The following UHRF1 variants were observed in gnomAD, a reference collection of about 807,000 sequenced individuals.
UHRF1 encodes E3 ubiquitin-protein ligase UHRF1.
A neutral mutation model predicts 96.5 loss-of-function variants in UHRF1; 9 were observed. That is an observed-to-expected ratio of 0.09 (90% CI 0.06 to 0.16). UHRF1 has a LOEUF of 0.16. Among genes scored for constraint, UHRF1 ranks in the 10% least tolerant of loss-of-function variants. UHRF1 has a pLI of 1.00. For synonymous variants in UHRF1, 455 were observed against 469.9 expected, an observed-to-expected ratio of 0.97 and a Z score of 0.41; for missense variants, 626 against 1,131.1, an observed-to-expected ratio of 0.55 and a Z score of 6.40.
chr19:4,924,826 GTT>G (rs35008694), intron 2 of UHRF1, among the ~76,000 whole-genome samples: 22 of 127,280 alleles, frequency 1.7e-4, no homozygotes, highest in Admixed American at 3.9e-4. Flanking sequence ...TTGGTGTTAA[GTT>G]TTTTTTTTTT....
intron 5 of UHRF1, 25 bp downstream of exon 5, chr19:4,932,981 C>T (rs963277): frequency 0.18 from 276,271 of 1,570,532 alleles, 26,468 homozygotes; most frequent in South Asian, 0.31. Flanking sequence ...CTGGGGCGAG[C>T]CCTTCCTCTC....
intron 5 of UHRF1, among the ~76,000 whole-genome samples, chr19:4,939,017 G>A (rs374599104): frequency 1.8e-3 from 269 of 151,668 alleles, no homozygotes; most frequent in African/African-American, 6.1e-3. Flanking sequence ...GGGTTCAAGC[G>A]ATTCTCCTGC....
intron 7 of UHRF1, among the ~76,000 whole-genome samples, chr19:4,942,534 T>C (rs1373761266): frequency 6.7e-6 from 1 of 150,102 alleles, no homozygotes; most frequent in Admixed American, 6.6e-5. Flanking sequence ...CTGCAACCTC[T>C]GCCTCCCGGG....
chr19:4,940,680 A>AT (rs2033366065), intron 5 of UHRF1, among the ~76,000 whole-genome samples: 2 of 137,122 alleles, frequency 1.5e-5, no homozygotes, highest in East Asian at 2.2e-4. Context: ...TTATTTATAT[A>AT]TTTTTTTGAT....
At chr19:4,940,500 G>A (rs948263046) in intron 5 of UHRF1, among the ~76,000 whole-genome samples, 2 of 150,380 alleles carry the variant, frequency 1.3e-5, no homozygotes, top group African/African-American at 4.9e-5. Context: ...CCGAGTAGCT[G>A]GGATTACAGG....
At chr19:4,948,101 C>CAAA (rs545933981) in intron 11 of UHRF1, among the ~76,000 whole-genome samples, 19,029 of 75,392 alleles carry the variant, frequency 0.25, 1,617 homozygotes, top group Non-Finnish European at 0.29. Context: ...GAGATCTTGT[C>CAAA]AAAAAAAAAA....
At chr19:4,908,939 C>T (rs528919424), upstream of UHRF1, among the ~76,000 whole-genome samples, 1 of 151,988 alleles carries the variant, frequency 6.6e-6, no homozygotes, top group African/African-American at 2.4e-5. Context: ...CAGCCCTGCC[C>T]GCCTGGACAG....
chr19:4,947,351 CCTCT>C, intron 11 of UHRF1, 140 bp downstream of exon 11: 2 of 760,798 alleles, frequency 2.6e-6, no homozygotes, highest in Non-Finnish European at 4.4e-6. Flanking sequence ...TTGGTTCCTC[CCTCT>C]GTCTCCCAAA....
intron 11 of UHRF1, among the ~76,000 whole-genome samples, chr19:4,947,864 G>A (rs1181323422): frequency 1.3e-5 from 2 of 151,998 alleles, no homozygotes; most frequent in Non-Finnish European, 2.9e-5. Context: ...TCAGGAGGCC[G>A]AGGCTCGAGG....
At chr19:4,953,608 T>A (rs1340973907) in intron 13 of UHRF1, among the ~76,000 whole-genome samples, 2 of 152,070 alleles carry the variant, frequency 1.3e-5, no homozygotes, top group African/African-American at 4.8e-5. Flanking sequence ...GGACTACAGA[T>A]GCACACCACC....
At chr19:4,960,606 C>G in intron 16 of UHRF1, 51 bp from the exon 17 acceptor site, 2 of 1,595,826 alleles carry the variant, frequency 1.3e-6, no homozygotes, top group Non-Finnish European at 8.5e-7. Context: ...TGGCCAGGAG[C>G]AAACCTGATG....
intron 2 of UHRF1, 79 bp from the exon 3 acceptor site, chr19:4,929,143 T>G: frequency 5.9e-6 from 9 of 1,520,024 alleles, no homozygotes; most frequent in Non-Finnish European, 7.2e-6. Context: ...GGACACAGTG[T>G]TTGGTTCATC....
intron 5 of UHRF1, among the ~76,000 whole-genome samples, chr19:4,938,614 A>G (rs995843393): frequency 6.6e-6 from 1 of 150,966 alleles, no homozygotes; most frequent in African/African-American, 2.4e-5. Flanking sequence ...TGCAACCCCC[A>G]GATCCTGGCT....
At position 4,944,382 on chromosome 19, in the gene UHRF1, G is replaced by A. The variant is rs1474889122; in HGVS notation, c.1237G>A (p.Val413Ile). ...CVGRTKECTI[V>I]PSNHYGPIPG... ...GGGCCGCACCAAGGAATGTACCATC[G>A]TCCCGTCCAACCACTACGGACCCAT... is the stretch of plus-strand genomic sequence containing the variant. The change falls in exon 9 of 17, where the codon GTC (valine) becomes ATC (isoleucine). Residue 413 changes from valine (V) to isoleucine (I), a missense_variant. Val to Ile is a conservative substitution (Grantham distance 29). Around this residue, in one of 11 missense-constraint regions of UHRF1, gnomAD observed 69 missense variants for 159.8 expected, o/e 0.43. Coordinates refer to ENST00000650932, the MANE Select transcript of UHRF1 (RefSeq NM_001048201.3). The A allele has an allele frequency of 1.2e-6, 2 of 1,614,046 alleles. No homozygotes were observed. The highest frequency in any genetic ancestry group is 1.1e-5 in the South Asian group (1 of 91,092).
chr19:4,927,244 A>T (rs1397229869), intron 2 of UHRF1, among the ~76,000 whole-genome samples: 3 of 151,422 alleles, frequency 2.0e-5, no homozygotes, highest in Non-Finnish European at 1.5e-5. Flanking sequence ...GCTGGGTGTG[A>T]TGGCTCATGC....
chr19:4,922,336 G>A (rs1443844084), intron 2 of UHRF1, among the ~76,000 whole-genome samples: 1 of 152,084 alleles, frequency 6.6e-6, no homozygotes, highest in Non-Finnish European at 1.5e-5. Flanking sequence ...TGTGATCTCG[G>A]CTCACTGCAA....
At chr19:4,933,142 C>G (rs2033109822) in intron 5 of UHRF1, among the ~76,000 whole-genome samples, 186 bp downstream of exon 5, 1 of 152,220 alleles carries the variant, frequency 6.6e-6, no homozygotes, top group African/African-American at 2.4e-5. Context: ...TAAGACCGAC[C>G]ACCTTGTGCC....
At chr19:4,928,885 A>T (rs2032955559) in intron 2 of UHRF1, among the ~76,000 whole-genome samples, 1 of 152,230 alleles carries the variant, frequency 6.6e-6, no homozygotes, top group Non-Finnish European at 1.5e-5. Flanking sequence ...TCACTGTCAC[A>T]AAAGCTGCCG....
chr19:4,941,393 G>A, intron 5 of UHRF1, 135 bp from the exon 6 acceptor site: 1 of 662,978 alleles, frequency 1.5e-6, no homozygotes, highest in Admixed American at 2.5e-5. Context: ...GCTTCTGTGA[G>A]TGCAGCTTTG....
Sources: gnomAD v4.1 joint callset for allele counts (sites outside exome capture counted in the v4.1 genomes callset) on GRCh38, gnomAD v4.1.1 for gene constraint, gnomAD v4.1.1 regional missense constraint, MANE v1.5 for transcripts, NCBI Gene and HGNC (gene_info 2026-07-23, HGNC 2026-07-21) for gene names.